ERBB4: variants seen among roughly 807,000 people sequenced by gnomAD.
The protein encoded by ERBB4 is receptor tyrosine-protein kinase erbB-4.
A neutral mutation model predicts 158.0 loss-of-function variants in ERBB4; 42 were observed. That is an observed-to-expected ratio of 0.27 (90% CI 0.21 to 0.34). ERBB4 has a LOEUF of 0.34. Among genes scored for constraint, ERBB4 ranks in the 10% least tolerant of loss-of-function variants. The pLI is 1.00. For missense variants in ERBB4, 1,333 were observed against 1,624.1 expected (o/e 0.82, Z 3.08); for synonymous variants, 583 against 558.7 (o/e 1.04, Z -0.61).
At chr2:212,474,839 T>TTTTTTTTTTTTTTTTTTTTTTTTG (rs1245995165) in intron 1 of ERBB4, among the ~76,000 whole-genome samples, 1 of 136,218 alleles carries the variant, frequency 7.3e-6, no homozygotes, top group African/African-American at 3.4e-5. Context: ...TTTTTTTTTT[T>TTTTTTTTTTTTTTTTTTTTTTTTG]TGTCAAGACA....
At chr2:211,876,429 T>C (rs1032222565) in intron 3 of ERBB4, among the ~76,000 whole-genome samples, 6 of 152,180 alleles carry the variant, frequency 3.9e-5, no homozygotes, top group East Asian at 1.9e-4. Flanking sequence ...TACTGGAGCC[T>C]TGTTTATTTC....
chr2:211,630,221 A>G (rs2070051953), intron 17 of ERBB4, among the ~76,000 whole-genome samples: 1 of 152,130 alleles, frequency 6.6e-6, no homozygotes, highest in Non-Finnish European at 1.5e-5. Flanking sequence ...CAAACAAAAT[A>G]CAGATACTTT....
At chr2:211,844,623 T>C (rs926691168) in intron 3 of ERBB4, among the ~76,000 whole-genome samples, 1 of 152,160 alleles carries the variant, frequency 6.6e-6, no homozygotes, top group African/African-American at 2.4e-5. Flanking sequence ...GACTTGACAA[T>C]TCAAAATTCT....
At chr2:212,267,598 T>TTTTTTTTTTC (rs5838313) in intron 1 of ERBB4, among the ~76,000 whole-genome samples, 80,002 of 134,286 alleles carry the variant, frequency 0.6, 24,755 homozygotes, top group East Asian at 0.79. Context: ...TTCTCATTTC[T>TTTTTTTTTTC]TTTTTTTTTT....
In ERBB4 at chr2:211,428,390, C is replaced by T. The variant is rs2125422659; in HGVS notation, c.2719+18G>A. The T allele has an allele frequency of 6.8e-7, 1 of 1,461,270 alleles. No individual in the cohort carries two copies. Among genetic ancestry groups the T allele is most frequent in the Non-Finnish European group, 9.6e-7 (1 of 1,042,090 alleles). The allele number at this position is 1,461,270 out of a possible 1,614,324, so 90.5% of individuals were successfully genotyped here. A position where few individuals can be genotyped will look rare whatever the true frequency, so the allele number is the denominator to read the frequency against. On this transcript the variant is annotated intron_variant, in intron 22 of 27. Coordinates refer to ENST00000342788, the MANE Select transcript of ERBB4 (RefSeq NM_005235.3). Reference sequence around the variant, plus strand: ...TTTTTGCTTTACAAGCTTTAATTCGCAAAGAAGATTTATTTACCATAGCTC... The same window carrying T: ...TTTTTGCTTTACAAGCTTTAATTCGTAAAGAAGATTTATTTACCATAGCTC...
At chr2:212,150,086 G>A (rs553627603) in intron 1 of ERBB4, among the ~76,000 whole-genome samples, 1 of 152,110 alleles carries the variant, frequency 6.6e-6, no homozygotes, top group Non-Finnish European at 1.5e-5. Context: ...ATTTCCTAAG[G>A]TTATTGTAAT....
At chr2:212,479,100 G>A (rs949585335) in intron 1 of ERBB4, among the ~76,000 whole-genome samples, 32 of 152,268 alleles carry the variant, frequency 2.1e-4, no homozygotes, top group African/African-American at 7.5e-4. Context: ...GAACCAGAAT[G>A]ATTGTTACAT....
chr2:211,906,427 A>C (rs984564887), intron 3 of ERBB4, among the ~76,000 whole-genome samples: 5 of 152,188 alleles, frequency 3.3e-5, no homozygotes, highest in African/African-American at 1.2e-4. Context: ...TAGAAGAAAA[A>C]ATCAAGAGTT....
At chr2:212,422,105 A>G (rs1256173514) in intron 1 of ERBB4, among the ~76,000 whole-genome samples, 1 of 152,208 alleles carries the variant, frequency 6.6e-6, no homozygotes, top group Non-Finnish European at 1.5e-5. Flanking sequence ...GAATCTTGTA[A>G]TATGACTAAA....
At chr2:211,768,460 C>T (rs922474706) in intron 4 of ERBB4, among the ~76,000 whole-genome samples, 2 of 152,214 alleles carry the variant, frequency 1.3e-5, no homozygotes, top group Non-Finnish European at 2.9e-5. Flanking sequence ...TTCCGTACTG[C>T]CCTAGCAGAG....
At chr2:212,456,598 G>A (rs17325381) in intron 1 of ERBB4, among the ~76,000 whole-genome samples, 15,932 of 150,832 alleles carry the variant, frequency 0.11, 1,124 homozygotes, top group Non-Finnish European at 0.16. Context: ...TTGATTAATC[G>A]TGAAGGTTAG....
intron 2 of ERBB4, among the ~76,000 whole-genome samples, chr2:212,055,099 C>T (rs1417750757): frequency 6.6e-6 from 1 of 152,184 alleles, no homozygotes; most frequent in South Asian, 2.1e-4. Flanking sequence ...GTCACTCCCA[C>T]CCTAATACTG....
rs560930930 is a variant in ERBB4 at position 211,501,315 on chromosome 2, T to C, written c.2487+60588A>G. On this transcript the variant is annotated intron_variant, in intron 20 of 27. Transcript: ENST00000342788. ...GGCTACCATAACTAACAATAATTTA[T>C]TGTATATTTCAAAATAACTAGAGGA... 2.6e-5 allele frequency among the ~76,000 whole-genome samples: 4 copies of C among 151,988 alleles called. No individual in the cohort carries two copies. In the South Asian group the frequency reaches 8.3e-4, roughly 32 times the overall value.
intron 2 of ERBB4, among the ~76,000 whole-genome samples, chr2:212,057,260 G>C (rs1022700907): frequency 2.0e-5 from 3 of 152,150 alleles, no homozygotes; most frequent in African/African-American, 7.2e-5. Flanking sequence ...CCCAATACAG[G>C]AGCACCCAGA....
chr2:211,943,314 G>T (rs534797126), intron 3 of ERBB4, among the ~76,000 whole-genome samples: 1 of 151,898 alleles, frequency 6.6e-6, no homozygotes, highest in Admixed American at 6.6e-5. Context: ...ATTAAATGTC[G>T]ATTTGAATAG....
intron 19 of ERBB4, among the ~76,000 whole-genome samples, chr2:211,611,286 A>G (rs2069184780): frequency 6.6e-6 from 1 of 152,074 alleles, no homozygotes; most frequent in Non-Finnish European, 1.5e-5. Context: ...CCACAAGCAG[A>G]TAGAAAATAA....
chr2:211,953,581 C>T (rs993987063), intron 2 of ERBB4, among the ~76,000 whole-genome samples: 1 of 151,544 alleles, frequency 6.6e-6, no homozygotes, highest in African/African-American at 2.4e-5. Flanking sequence ...TTTTGTCAAC[C>T]AAAGAGTGAA....
rs567771707 is a variant in ERBB4 at position 211,712,250 on chromosome 2, T to A, written c.998-74A>T. 580 of 1,396,682 alleles carry A rather than the reference T, an allele frequency of 4.2e-4. 3 individuals carry two copies. In the African/African-American group the frequency reaches 7.5e-3, roughly 18 times the overall value. The allele number at this position is 1,396,682 out of a possible 1,614,324, so 86.5% of individuals were successfully genotyped here. A position where few individuals can be genotyped will look rare whatever the true frequency, so the allele number is the denominator to read the frequency against. On this transcript the variant is annotated intron_variant, in intron 8 of 27. Transcript: ENST00000342788. ...CCAATAAATCATTGCATCTTCATTA[T>A]AAAATAGCAGAGTATTTTTAATTGT...
chr2:211,811,943 T>TGTTA (rs1000693932), intron 3 of ERBB4, among the ~76,000 whole-genome samples: 1 of 152,086 alleles, frequency 6.6e-6, no homozygotes, highest in African/African-American at 2.4e-5. Context: ...TTTTCAAGGT[T>TGTTA]GTTAGCTTCC....
Sources: allele counts gnomAD v4.1 joint callset (sites outside exome capture counted in the v4.1 genomes callset), GRCh38; gene constraint gnomAD v4.1.1; transcripts MANE v1.5; gene names NCBI Gene and HGNC (gene_info 2026-07-23, HGNC 2026-07-21).